Variants in LRP1B observed in about 807,000 individuals in gnomAD.
LRP1B encodes the protein low-density lipoprotein receptor-related protein 1B.
A neutral mutation model predicts 556.6 loss-of-function variants in LRP1B; 217 were observed. The observed-to-expected ratio is 0.39, with a 90% CI of 0.35 to 0.44. The LOEUF (loss-of-function observed/expected upper bound fraction) is 0.44. Ranked by LOEUF, LRP1B falls within the 20% of genes least tolerant of loss-of-function variation. The pLI is 1.00. For synonymous variants in LRP1B, 2,047 were observed against 1,865.8 expected (o/e 1.10, Z -2.50); for missense variants, 5,053 against 5,620.8 (o/e 0.90, Z 3.23).
In LRP1B at chr2:141,655,298, A is replaced by G. The variant is rs555245636; in HGVS notation, c.205+154981T>C. Among the ~76,000 whole-genome samples the G allele has an allele frequency of 9.9e-5, 15 of 152,262 alleles. No homozygotes were observed. In the East Asian group the frequency reaches 2.9e-3, roughly 29 times the overall value. On this transcript the variant is annotated intron_variant, in intron 2 of 90. Transcript: ENST00000389484. ...TCACAAGGCTTAATGTCCTTTCTTC[A>G]TTTTAAGTGTGGTAGAATAATAAGG...
intron 1 of LRP1B, among the ~76,000 whole-genome samples, chr2:142,125,076 T>G (rs546184522): frequency 9.2e-5 from 14 of 151,942 alleles, no homozygotes; most frequent in South Asian, 2.1e-4. Context: ...CTCTACATTT[T>G]AATATCACTC....
chr2:141,486,146 T>C lies in LRP1B; in HGVS notation c.206-5613A>G, dbSNP rs182160327. Among the ~76,000 whole-genome samples the C allele has an allele frequency of 4.0e-4, 61 of 152,204 alleles. No homozygotes were observed. In the East Asian group the frequency reaches 7.9e-3, roughly 20 times the overall value. ...CTAAATGTAGGTGACCTAAGCAAGA[T>C]AGCAAAATTGAAAATGTAATAACTT... On this transcript the variant is annotated intron_variant, in intron 2 of 90. Transcript: ENST00000389484.
chr2:141,520,052 T>C (rs1205230483), intron 2 of LRP1B, among the ~76,000 whole-genome samples: 1 of 152,132 alleles, frequency 6.6e-6, no homozygotes, highest in South Asian at 2.1e-4. Context: ...ACTTGAACCA[T>C]ACAGCTGCCA....
At chr2:142,084,584 T>C (rs550231716) in intron 1 of LRP1B, among the ~76,000 whole-genome samples, 2 of 152,226 alleles carry the variant, frequency 1.3e-5, no homozygotes, top group Admixed American at 1.3e-4. Context: ...GTCTAACCAA[T>C]CACCAAGTCC....
At chr2:140,613,302 A>T (rs965297288) in intron 41 of LRP1B, among the ~76,000 whole-genome samples, 19 of 142,012 alleles carry the variant, frequency 1.3e-4, no homozygotes, top group Middle Eastern at 3.7e-3. Context: ...TATATATATA[A>T]AATTATATAT....
intron 7 of LRP1B, among the ~76,000 whole-genome samples, chr2:141,159,019 C>T (rs535419187): frequency 1.3e-5 from 2 of 152,188 alleles, no homozygotes; most frequent in South Asian, 2.1e-4. Flanking sequence ...TATTGGTATT[C>T]TTCACAGTGC....
chr2:140,784,376 C>CCACACACACACACACACACACA lies in LRP1B; in HGVS notation c.5360-8160_5360-8139dup, dbSNP rs143661527. On this transcript the variant is annotated intron_variant, in intron 32 of 90. Coordinates refer to ENST00000389484, the MANE Select transcript of LRP1B (RefSeq NM_018557.3). ...AAGAGATAATTGGAGGATTCTGCCT[C>CCACACACACACACACACACACA]CACACACACACACACACACACACAC... is the stretch of plus-strand genomic sequence containing the variant. Among the ~76,000 whole-genome samples, 28 of 126,686 alleles carry CCACACACACACACACACACACA rather than the reference C, an allele frequency of 2.2e-4. 1 individual carries two copies. The highest frequency in any genetic ancestry group is 1.8e-3 in the East Asian group (7 of 3,866). 83.1% of individuals were successfully genotyped at this position (126,686 alleles called of 152,430 possible).
intron 35 of LRP1B, among the ~76,000 whole-genome samples, chr2:140,765,575 A>G (rs10206328): frequency 0.85 from 129,835 of 152,134 alleles, 55,668 homozygotes; most frequent in East Asian, 1. Context: ...ACTGGAATGG[A>G]ACTTTTCCAG....
chr2:140,735,721 C>G (rs192548456), intron 35 of LRP1B, among the ~76,000 whole-genome samples: 529 of 152,238 alleles, frequency 3.5e-3, no homozygotes, highest in African/African-American at 0.012. Flanking sequence ...ACCTGCAAGG[C>G]AACAGGTTTC....
intron 6 of LRP1B, among the ~76,000 whole-genome samples, chr2:141,211,295 CT>C (rs142787085): frequency 2.1e-3 from 267 of 124,534 alleles, no homozygotes; most frequent in African/African-American, 6.3e-3. Context: ...GCCCATTTTT[CT>C]TTTTTTTTAA....
intron 2 of LRP1B, among the ~76,000 whole-genome samples, chr2:141,794,350 CT>C (rs1695731030): frequency 6.6e-6 from 1 of 151,814 alleles, no homozygotes; most frequent in Admixed American, 6.6e-5. Flanking sequence ...TTTGTAAAAC[CT>C]AAATCCCTCT....
intron 2 of LRP1B, among the ~76,000 whole-genome samples, chr2:141,678,899 T>C (rs1011715430): frequency 3.3e-5 from 5 of 152,124 alleles, no homozygotes; most frequent in Admixed American, 6.6e-5. Flanking sequence ...TCCAGCCCCT[T>C]GTATGTGGAT....
At chr2:140,829,075 G>T (rs193229952) in intron 31 of LRP1B, among the ~76,000 whole-genome samples, 31 of 152,146 alleles carry the variant, frequency 2.0e-4, no homozygotes, top group African/African-American at 6.7e-4. Flanking sequence ...TCAGTAGTAG[G>T]ATTTAACAAT....
intron 15 of LRP1B, among the ~76,000 whole-genome samples, chr2:141,001,992 C>T (rs1039997113): frequency 1.3e-5 from 2 of 152,096 alleles, no homozygotes; most frequent in Non-Finnish European, 2.9e-5. Flanking sequence ...TAGCAGCCAA[C>T]TTGGCAGACT....
chr2:140,925,602 G>T (rs1476488067), intron 20 of LRP1B, among the ~76,000 whole-genome samples: 1 of 152,054 alleles, frequency 6.6e-6, no homozygotes, highest in Non-Finnish European at 1.5e-5. Context: ...ATTTAATAAA[G>T]AATGGAAGGT....
chr2:141,153,794 A>G (rs1444661568), intron 7 of LRP1B, among the ~76,000 whole-genome samples: 1 of 150,958 alleles, frequency 6.6e-6, no homozygotes, highest in Admixed American at 6.7e-5. Context: ...ACTAATTGGT[A>G]AACAGAAGAA....
chr2:140,569,579 A>G (rs1171369059), intron 43 of LRP1B, among the ~76,000 whole-genome samples: 3 of 151,932 alleles, frequency 2.0e-5, no homozygotes, highest in Non-Finnish European at 4.4e-5. Context: ...GAAGAAAGGA[A>G]GATAGGCTCC....
chr2:141,214,840 T>A (rs1222251622), intron 6 of LRP1B, among the ~76,000 whole-genome samples: 1 of 152,174 alleles, frequency 6.6e-6, no homozygotes, highest in East Asian at 1.9e-4. Flanking sequence ...TTACACTTTA[T>A]CCAGACACAG....
intron 6 of LRP1B, among the ~76,000 whole-genome samples, chr2:141,219,728 G>C (rs1682958068): frequency 1.3e-5 from 2 of 152,120 alleles, no homozygotes; most frequent in Non-Finnish European, 2.9e-5. Context: ...CCAGAGGAAG[G>C]AACAGGAAGC....
Sources: allele counts gnomAD v4.1 joint callset (sites outside exome capture counted in the v4.1 genomes callset), GRCh38; gene constraint gnomAD v4.1.1; transcripts MANE v1.5; gene names NCBI Gene and HGNC (gene_info 2026-07-23, HGNC 2026-07-21).